The following EPHB4 variants were observed in gnomAD, a reference collection of about 807,000 sequenced individuals.
EPHB4 encodes the protein ephrin type-B receptor 4.
EPHB4 carries 50 observed loss-of-function variants against 110.6 expected under a neutral mutation model. That is an observed-to-expected ratio of 0.45 (90% CI 0.36 to 0.57). The LOEUF (loss-of-function observed/expected upper bound fraction) is 0.57, where lower values mean the gene tolerates loss of function less well. Among genes scored for constraint, EPHB4 ranks in the 20% least tolerant of loss-of-function variants. The pLI is 0.00. For synonymous variants in EPHB4, 592 were observed against 578.4 expected, an observed-to-expected ratio of 1.02 and a Z score of -0.34; for missense variants, 1,128 against 1,382.1, an observed-to-expected ratio of 0.82 and a Z score of 2.91.
chr7:100,807,916 C>A (rs1241129850), intron 12 of EPHB4, among the ~76,000 whole-genome samples: 1 of 152,066 alleles, frequency 6.6e-6, no homozygotes. Context: ...GATGTTGAGT[C>A]ACCGTACCCA....
At position 100,819,728 on chromosome 7, in the gene EPHB4, C is replaced by T; in HGVS notation, c.1126G>A (p.Asp376Asn). ...PGGSCAPCGG[D>N]LTFDPGPRDL... is the part of the protein sequence containing the mutation. ...CGGGGGCCGGGGTCAAAAGTCAGGT[C>T]TCCCCCGCAGGGCGCACAGGAGCCT... is the stretch of plus-strand genomic sequence containing the variant. The change falls in exon 6 of 17, where the codon GAC becomes AAC. Residue 376 changes from aspartate to asparagine, a missense_variant. By Grantham distance (23) the Asp-to-Asn change is conservative. Around this residue, in one of 3 missense-constraint regions of EPHB4, gnomAD observed 728 missense variants for 828.6 expected, o/e 0.88. Transcript: ENST00000358173. The T allele has an allele frequency of 6.2e-7, 1 of 1,612,182 alleles. No homozygotes were observed. The highest frequency in any genetic ancestry group is 8.5e-7 in the Non-Finnish European group (1 of 1,179,412).
chr7:100,813,596 A>G (rs1584658714), intron 10 of EPHB4, 56 bp downstream of exon 10: 3 of 1,591,040 alleles, frequency 1.9e-6, no homozygotes, highest in East Asian at 4.5e-5. Flanking sequence ...GATTATAGAT[A>G]GGAGCCACCA....
chr7:100,803,517 A>G lies in EPHB4; in HGVS notation c.2908T>C (p.Ser970Pro), dbSNP rs1007131202. ...KILASVQHMK[S>P]QAKPGTPGGT... ...CCCGGGGTTCCCGGCTTGGCCTGGGACTTCATGTGCTGGACACTGGCCAAG... is the reference window on the plus strand; with the variant it reads ...CCCGGGGTTCCCGGCTTGGCCTGGGGCTTCATGTGCTGGACACTGGCCAAG... Residue 970 changes from serine to proline, a missense_variant, in exon 17 of 17, where the codon TCC becomes CCC. Transcript: ENST00000358173. 10 of 1,594,734 alleles carry G rather than the reference A, an allele frequency of 6.3e-6. No individual in the cohort carries two copies. Among genetic ancestry groups the G allele is most frequent in the Non-Finnish European group, 8.5e-6 (10 of 1,170,534 alleles).
chr7:100,822,329 G>A lies in EPHB4; in HGVS notation c.750C>T (p.Val250=). The A allele has an allele frequency of 6.4e-7, 1 of 1,567,856 alleles. No homozygotes were observed. The highest frequency in any genetic ancestry group is 1.7e-4 in the Middle Eastern group (1 of 6,020). The change falls in exon 4 of 17, where the codon GTC becomes GTT. Residue 250 remains valine, a synonymous_variant. Coordinates refer to ENST00000358173, the MANE Select transcript of EPHB4 (RefSeq NM_004444.5). This position sits in a 1 kb window ranked among gnomAD's most constrained non-coding sequence, Gnocchi z 4.7. ...ACCCCGGAGCACAGCTGCAGCCCGT[G>A]ACCGGCTGTTCGGCCCACTGGCCAT... is the stretch of plus-strand genomic sequence containing the variant. ...REDGQWAEQP[V]TGCSCAPGFE...
chr7:100,811,457 C>T (rs1562968706), intron 12 of EPHB4, among the ~76,000 whole-genome samples: 1 of 152,046 alleles, frequency 6.6e-6, no homozygotes, highest in Non-Finnish European at 1.5e-5. Context: ...GTCCCCCTGC[C>T]CCATTAGACC....
intron 13 of EPHB4, 135 bp from the exon 14 acceptor site, chr7:100,806,704 T>TC: frequency 1.9e-6 from 2 of 1,077,096 alleles, no homozygotes; most frequent in African/African-American, 1.6e-5. Flanking sequence ...ACTCTCCAAC[T>TC]CTGTTTGCCC....
chr7:100,826,523 T>C (rs1403048017), intron 1 of EPHB4, among the ~76,000 whole-genome samples: 1 of 152,004 alleles, frequency 6.6e-6, no homozygotes, highest in Non-Finnish European at 1.5e-5. Flanking sequence ...CAAGGTGTGA[T>C]CGCTAAGGAA....
intron 7 of EPHB4, 34 bp downstream of exon 7, chr7:100,818,486 G>A: frequency 6.2e-7 from 1 of 1,609,086 alleles, no homozygotes; most frequent in Non-Finnish European, 8.5e-7. Context: ...ACAACCCATT[G>A]CCCACCCACC....
chr7:100,819,678 C>T lies in EPHB4; in HGVS notation c.1176G>A (p.Val392=). ...TGAAGTCAGGACGTAGCCCTCGAACCACCACCCAGGGCTCCACCAGGTCCC... is the reference window on the plus strand; with the variant it reads ...TGAAGTCAGGACGTAGCCCTCGAACTACCACCCAGGGCTCCACCAGGTCCC... The part of the protein sequence containing the change: ...GPRDLVEPWV[V]VRGLRPDFTY... The change falls in exon 6 of 17, where the codon GTG becomes GTA. Residue 392 remains valine (V), a synonymous_variant. Transcript: ENST00000358173. 1.9e-6 allele frequency: 3 copies of T among 1,613,854 alleles called. No homozygotes were observed. Among genetic ancestry groups the T allele is most frequent in the East Asian group, 2.2e-5 (1 of 44,870 alleles).
Position 100,812,730 on chromosome 7 carries a change from C to T in EPHB4, c.2118+17G>A, listed in dbSNP as rs772175489. On this transcript the variant is annotated intron_variant, in intron 12 of 16. Coordinates refer to ENST00000358173, the MANE Select transcript of EPHB4 (RefSeq NM_004444.5). ...TGGGAACTCCGGGTGGCCGCAGAAG[C>T]CAGGGAGGGTGCTCACCCGCAGGAA... is the stretch of plus-strand genomic sequence containing the variant. 11 of 1,607,370 alleles carry T rather than the reference C, an allele frequency of 6.8e-6. No homozygotes were observed. Among genetic ancestry groups the T allele is most frequent in the Non-Finnish European group, 9.3e-6 (11 of 1,177,628 alleles).
Position 100,806,451 on chromosome 7 carries a change from T to A in EPHB4, c.2453A>T (p.Glu818Val). 6.2e-7 allele frequency: 1 copy of A among 1,613,846 alleles called. No homozygotes were observed. The highest frequency in any genetic ancestry group is 1.1e-5 in the South Asian group (1 of 91,072). ...IVMWEVMSFG[E>V]RPYWDMSNQD... ...ATTGCTCATGTCCCAGTACGGCCTC[T>A]CCCCAAATGACATCACCTCCCACAT... is the stretch of plus-strand genomic sequence containing the variant. Residue 818 changes from glutamate (E) to valine (V), a missense_variant, in exon 14 of 17, where the codon GAG (glutamate) becomes GTG (valine). Physicochemically the swap from Glu to Val is moderately radical, Grantham distance 121. Coordinates refer to ENST00000358173, the MANE Select transcript of EPHB4 (RefSeq NM_004444.5).
At chr7:100,820,733 G>A (rs1813204119) in intron 4 of EPHB4, among the ~76,000 whole-genome samples, 1 of 152,060 alleles carries the variant, frequency 6.6e-6, no homozygotes. Context: ...TGAAACATGA[G>A]GAAAAAAGTT....
rs377113249 is a variant in EPHB4 at position 100,814,214 on chromosome 7, G to A, written c.1589-193C>T. 120 of 567,526 alleles carry A rather than the reference G, an allele frequency of 2.1e-4. No individual in the cohort carries two copies. The African/African-American group carries it at 2.1e-3, about 10-fold the overall frequency. The allele number at this position is 567,526 out of a possible 1,614,324, so 35.2% of individuals were successfully genotyped here. ...TCAAACTCTCCCCCAGGGGCCAGCA[G>A]GCTCCTCTGAAGTACCTCAGGGCAA... is the stretch of plus-strand genomic sequence containing the variant. On this transcript the variant is annotated intron_variant, in intron 8 of 16. Coordinates refer to ENST00000358173, the MANE Select transcript of EPHB4 (RefSeq NM_004444.5).
chr7:100,823,987 C>T, intron 2 of EPHB4, 56 bp from the exon 3 acceptor site: 1 of 1,525,954 alleles, frequency 6.6e-7, no homozygotes, highest in Non-Finnish European at 8.8e-7. Flanking sequence ...GAGAGGGCTG[C>T]ATGGGGTGAA....
chr7:100,813,777 A>G, intron 9 of EPHB4, 61 bp from the exon 10 acceptor site: 1 of 1,610,804 alleles, frequency 6.2e-7, no homozygotes, highest in Non-Finnish European at 8.5e-7. Context: ...TGAGGCACAC[A>G]CACCAAAGGA....
In EPHB4 at chr7:100,818,598, G is replaced by A. The variant is rs778776343; in HGVS notation, c.1344C>T (p.Ser448=). 22 of 1,613,244 alleles carry A rather than the reference G, an allele frequency of 1.4e-5. No individual in the cohort carries two copies. The highest frequency in any genetic ancestry group is 2.7e-5 in the African/African-American group (2 of 74,946). ...SDIRVTRSSP[S]SLSLAWAVPR... Reference sequence around the variant, plus strand: ...GAACAGCCCAGGCCAGGCTCAAGCTGCTGGGTGAGGACCGCGTCACCCGGA... The same window carrying A: ...GAACAGCCCAGGCCAGGCTCAAGCTACTGGGTGAGGACCGCGTCACCCGGA... Residue 448 remains serine, a synonymous_variant, in exon 7 of 17, where the codon AGC becomes AGT. Transcript: ENST00000358173.
rs760922001 is a variant in EPHB4, at chr7:100,806,540, G to A, written c.2364C>T (p.Ala788=). 6.2e-7 allele frequency: 1 copy of A among 1,613,894 alleles called. No homozygotes were observed. The highest frequency in any genetic ancestry group is 1.7e-5 in the Admixed American group (1 of 59,950). The change falls in exon 14 of 17, where the codon GCC becomes GCT. Residue 788 remains alanine (A), a synonymous_variant. Coordinates refer to ENST00000358173, the MANE Select transcript of EPHB4 (RefSeq NM_004444.5). ...LGGKIPIRWT[A]PEAIAFRKFT... ...ACTTCCGGAAGGCAATGGCCTCCGG[G>A]GCAGTCCATCGGATGGGAATCTTTC...
chr7:100,825,526 T>G (rs756755832), intron 1 of EPHB4: 2 of 152,302 alleles, frequency 1.3e-5, no homozygotes, highest in Non-Finnish European at 2.9e-5. Context: ...TCAGTTCGCA[T>G]GTCTCTCACC....
In EPHB4 at chr7:100,813,011, A is replaced by C. The variant is rs1812974234; in HGVS notation, c.1871-17T>G. The C allele has an allele frequency of 1.9e-6, 3 of 1,612,768 alleles. No homozygotes were observed. The highest frequency in any genetic ancestry group is 2.5e-6 in the Non-Finnish European group (3 of 1,179,194). On this transcript the variant is annotated splice_polypyrimidine_tract_variant and intron_variant, in intron 11 of 16. Coordinates refer to ENST00000358173, the MANE Select transcript of EPHB4 (RefSeq NM_004444.5). ...CAAACTCACCTTCAAACAAGGACGC[A>C]GAGGTCATCAGCTCTCCCGCTCCAG...
Sources: gnomAD v4.1 joint callset for allele counts (sites outside exome capture counted in the v4.1 genomes callset) on GRCh38, gnomAD v4.1.1 for gene constraint, gnomAD v4.1.1 regional missense constraint, Gnocchi (gnomAD v3.1) non-coding constraint, MANE v1.5 for transcripts, NCBI Gene and HGNC (gene_info 2026-07-23, HGNC 2026-07-21) for gene names.